The following UBAC2 variants were observed in gnomAD, a reference collection of about 807,000 sequenced individuals.
The protein encoded by UBAC2 is UBA domain containing 2, also known as ubiquitin-associated domain-containing protein 2.
A neutral mutation model predicts 44.0 loss-of-function variants in UBAC2; 26 were observed. The observed-to-expected ratio is 0.59, with a 90% CI of 0.43 to 0.82. The LOEUF (loss-of-function observed/expected upper bound fraction) is 0.82. Among genes scored for constraint, UBAC2 ranks in the 40% least tolerant of loss-of-function variants. The pLI is 0.00. For synonymous variants in UBAC2, 155 were observed against 154.3 expected, an observed-to-expected ratio of 1.00 and a Z score of -0.04; for missense variants, 329 against 419.4, an observed-to-expected ratio of 0.78 and a Z score of 1.88.
At chr13:99,385,125 C>T (rs747464698) in intron 8 of UBAC2, 103 bp from the exon 9 acceptor site, 1 of 822,316 alleles carries the variant, frequency 1.2e-6, no homozygotes, top group Non-Finnish European at 2.0e-6. Context: ...TTTTTGTAAA[C>T]AGTTTTGACC....
At chr13:99,229,057 TG>T (rs1345434735) in intron 1 of UBAC2, among the ~76,000 whole-genome samples, 1 of 152,214 alleles carries the variant, frequency 6.6e-6, no homozygotes, top group East Asian at 1.9e-4. Flanking sequence ...GTTAATGATC[TG>T]GACGTTTCAT....
intron 4 of UBAC2, among the ~76,000 whole-genome samples, chr13:99,245,624 C>T (rs987454391): frequency 3.3e-5 from 5 of 152,138 alleles, no homozygotes; most frequent in African/African-American, 4.8e-5. Context: ...GGGCGGATCA[C>T]GAGGTCAGGA....
At chr13:99,201,068 C>A in intron 1 of UBAC2, 129 bp downstream of exon 1, 1 of 1,331,726 alleles carries the variant, frequency 7.5e-7, no homozygotes. Context: ...AGACCCGCGT[C>A]CGAACCCTGC....
chr13:99,312,954 TTTTG>T (rs2044432087), intron 4 of UBAC2: 1 of 152,364 alleles, frequency 6.6e-6, no homozygotes, highest in Non-Finnish European at 1.5e-5. Context: ...GGTTTTTTTG[TTTTG>T]TTTTTTATTT....
At chr13:99,207,926 T>C (rs538244966) in intron 1 of UBAC2, among the ~76,000 whole-genome samples, 3 of 152,228 alleles carry the variant, frequency 2.0e-5, no homozygotes, top group Admixed American at 1.3e-4. Flanking sequence ...TGACATTCTT[T>C]CTTAAGTATG....
At chr13:99,201,919 A>G (rs930419993) in intron 1 of UBAC2, among the ~76,000 whole-genome samples, 4 of 152,028 alleles carry the variant, frequency 2.6e-5, no homozygotes, top group African/African-American at 2.4e-5. Context: ...TAAAAACACA[A>G]AAAATTAGCT....
At chr13:99,278,479 A>G (rs1594081226) in intron 4 of UBAC2, among the ~76,000 whole-genome samples, 1 of 152,200 alleles carries the variant, frequency 6.6e-6, no homozygotes, top group Non-Finnish European at 1.5e-5. Flanking sequence ...AAAGTTAGCA[A>G]TAAGTGACAG....
intron 4 of UBAC2, among the ~76,000 whole-genome samples, chr13:99,312,618 T>C (rs550840419): frequency 6.6e-6 from 1 of 152,286 alleles, no homozygotes; most frequent in African/African-American, 2.4e-5. Context: ...CTGACATAGC[T>C]TGGGGGCCAC....
intron 4 of UBAC2, among the ~76,000 whole-genome samples, chr13:99,311,427 G>A (rs981071894): frequency 6.6e-6 from 1 of 152,114 alleles, no homozygotes; most frequent in Non-Finnish European, 1.5e-5. Context: ...AGGTGGGGAG[G>A]CATTGGAAGA....
chr13:99,354,466 C>A (rs1267275534), intron 7 of UBAC2, among the ~76,000 whole-genome samples: 1 of 152,218 alleles, frequency 6.6e-6, no homozygotes, highest in Non-Finnish European at 1.5e-5. Flanking sequence ...GTTTTATTCT[C>A]TGTTCACTTG....
chr13:99,256,312 T>G (rs2043555743), intron 4 of UBAC2: 1 of 154,450 alleles, frequency 6.5e-6, no homozygotes, highest in Non-Finnish European at 1.4e-5. Context: ...TGGAAACACT[T>G]CATAATATTT....
chr13:99,285,489 C>T lies in UBAC2; in HGVS notation c.390-28608C>T, dbSNP rs918257144. Among the ~76,000 whole-genome samples, 5 of 151,716 alleles carry T rather than the reference C, an allele frequency of 3.3e-5. No individual in the cohort carries two copies. The South Asian group carries it at 1.0e-3, about 32-fold the overall frequency. ...CTCACTGTAACGTCAAACTTCTGGGCTCAAGGGATCCTCCTGCCTTAGCCT... is the reference window on the plus strand; with the variant it reads ...CTCACTGTAACGTCAAACTTCTGGGTTCAAGGGATCCTCCTGCCTTAGCCT... On this transcript the variant is annotated intron_variant, in intron 4 of 8. Transcript: ENST00000403766.
At chr13:99,253,428 G>C (rs2043485857) in intron 4 of UBAC2, among the ~76,000 whole-genome samples, 1 of 151,778 alleles carries the variant, frequency 6.6e-6, no homozygotes, top group Non-Finnish European at 1.5e-5. Flanking sequence ...GGACCTTCTA[G>C]TGCAAAAATG....
intron 1 of UBAC2, among the ~76,000 whole-genome samples, chr13:99,220,274 G>A (rs1018121340): frequency 6.6e-6 from 1 of 152,178 alleles, no homozygotes; most frequent in African/African-American, 2.4e-5. Flanking sequence ...GTGACCTTCA[G>A]TGAGTTATTT....
chr13:99,338,728 G>A (rs953285737), intron 6 of UBAC2, among the ~76,000 whole-genome samples: 2 of 152,130 alleles, frequency 1.3e-5, no homozygotes, highest in Non-Finnish European at 1.5e-5. Flanking sequence ...GTCTGTCTTT[G>A]GTACCAAAAC....
At chr13:99,368,279 A>T (rs1217815520) in intron 8 of UBAC2, among the ~76,000 whole-genome samples, 1 of 152,216 alleles carries the variant, frequency 6.6e-6, no homozygotes, top group African/African-American at 2.4e-5. Flanking sequence ...GTTTTGAGTC[A>T]TGTTAATGTT....
At position 99,200,890 on chromosome 13, in the gene UBAC2, C is replaced by A; in HGVS notation, c.-19C>A. ...TCCCCTCCCCCGGCGCCCTCTGGGGCTCCGAGCCCGGCGGGACCATGTTCA... is the reference window on the plus strand; with the variant it reads ...TCCCCTCCCCCGGCGCCCTCTGGGGATCCGAGCCCGGCGGGACCATGTTCA... On this transcript the variant is annotated 5_prime_UTR_variant, in exon 1 of 9. Transcript: ENST00000403766. The A allele has an allele frequency of 7.7e-7, 1 of 1,303,164 alleles. No homozygotes were observed. Among genetic ancestry groups the A allele is most frequent in the Admixed American group, 3.3e-5 (1 of 29,952 alleles). 80.7% of individuals were successfully genotyped at this position (1,303,164 alleles called of 1,614,324 possible). A position where few individuals can be genotyped will look rare whatever the true frequency, so the allele number is the denominator to read the frequency against.
At position 99,207,809 on chromosome 13, in the gene UBAC2, C is replaced by T. The variant is rs770306193; in HGVS notation, c.31+6870C>T. ...TCGTTCCAGCTTAGGATCCTGCCTTCGGAACCTGAATACCCTGTCCCCTGC... is the reference window on the plus strand; with the variant it reads ...TCGTTCCAGCTTAGGATCCTGCCTTTGGAACCTGAATACCCTGTCCCCTGC... On this transcript the variant is annotated intron_variant, in intron 1 of 8. Transcript: ENST00000403766. Among the ~76,000 whole-genome samples, 4 of 152,242 alleles carry T rather than the reference C, an allele frequency of 2.6e-5. No individual in the cohort carries two copies. The East Asian group carries it at 5.8e-4, about 22-fold the overall frequency.
intron 1 of UBAC2, among the ~76,000 whole-genome samples, chr13:99,232,626 GAA>G: frequency 6.6e-6 from 1 of 151,902 alleles, no homozygotes. Context: ...AAGTCCTTAG[GAA>G]AAAGCACTGT....
Sources: gnomAD v4.1 joint callset for allele counts (sites outside exome capture counted in the v4.1 genomes callset) on GRCh38, gnomAD v4.1.1 for gene constraint, MANE v1.5 for transcripts, NCBI Gene and HGNC (gene_info 2026-07-23, HGNC 2026-07-21) for gene names.